The following CLEC1A variants were observed in gnomAD, a reference collection of about 807,000 sequenced individuals.
CLEC1A encodes C-type lectin-like receptor-1.
A neutral mutation model predicts 28.7 loss-of-function variants in CLEC1A; 34 were observed. The ratio of observed to expected loss-of-function variants is 1.18; its 90% CI spans 0.90 to 1.57. The LOEUF is 1.57. CLEC1A is among the 40% of genes most tolerant of loss of function. The probability of loss-of-function intolerance (pLI) is 0.00; values close to 1 mark genes in which losing one functional copy is unlikely to be tolerated. For missense variants in CLEC1A, 385 were observed against 339.5 expected (o/e 1.13, Z -1.05); for synonymous variants, 116 against 121.0 (o/e 0.96, Z 0.27).
chr12:10,095,784 C>T (rs1947768837), intron 1 of CLEC1A, among the ~76,000 whole-genome samples: 1 of 152,134 alleles, frequency 6.6e-6, no homozygotes, highest in African/African-American at 2.4e-5. Context: ...TATTGTCCTT[C>T]CATTACTCTA....
intron 2 of CLEC1A, among the ~76,000 whole-genome samples, chr12:10,087,120 C>T (rs1192557468): frequency 6.9e-6 from 1 of 144,334 alleles, no homozygotes; most frequent in Non-Finnish European, 1.5e-5. Flanking sequence ...CAGGAAAATC[C>T]CTTGAACCCG....
intron 1 of CLEC1A, among the ~76,000 whole-genome samples, chr12:10,098,446 T>C (rs1947806407): frequency 6.6e-6 from 1 of 152,166 alleles, no homozygotes; most frequent in African/African-American, 2.4e-5. Flanking sequence ...ATAAAGAATA[T>C]GATGCTACCA....
intron 1 of CLEC1A, 92 bp downstream of exon 1, chr12:10,098,716 G>A: frequency 2.6e-6 from 2 of 757,720 alleles, no homozygotes; most frequent in Non-Finnish European, 4.2e-6. Flanking sequence ...ATTATAAGAT[G>A]CAAGCTAAAT....
intron 1 of CLEC1A, among the ~76,000 whole-genome samples, chr12:10,091,470 C>T (rs931760625): frequency 6.6e-6 from 1 of 151,894 alleles, no homozygotes; most frequent in African/African-American, 2.4e-5. Context: ...CTAAATACAT[C>T]TCCCAGCCAT....
Position 10,098,879 on chromosome 12 carries a change from T to A in CLEC1A, c.44A>T (p.Asp15Val). 1 of 1,613,432 alleles carries A rather than the reference T, an allele frequency of 6.2e-7. No individual in the cohort carries two copies. The change falls in exon 1 of 6, where the codon GAT (aspartate) becomes GTT (valine). Residue 15 changes from aspartate (D) to valine (V), a missense_variant. Transcript: ENST00000315330. ...YSSTRDMLDDDGDTTMSLHSQ... is the reference protein window; with the variant it reads ...YSSTRDMLDDVGDTTMSLHSQ... ...ATGCAGGCTCATGGTGGTGTCCCCA[T>A]CATCATCCAGCATGTCCCTCGTGCT...
At chr12:10,083,842 G>A (rs1331035969) in intron 2 of CLEC1A, among the ~76,000 whole-genome samples, 2 of 151,914 alleles carry the variant, frequency 1.3e-5, no homozygotes, top group African/African-American at 4.8e-5. Flanking sequence ...ATATCGTAAA[G>A]AAAAAACAAT....
intron 3 of CLEC1A, among the ~76,000 whole-genome samples, chr12:10,080,319 C>G (rs141798204): frequency 8.9e-4 from 135 of 151,926 alleles, no homozygotes; most frequent in Middle Eastern, 6.8e-3. Flanking sequence ...TCTCCCCCCA[C>G]CCCCAAAAAA....
At chr12:10,090,106 A>G (rs1866581736) in intron 1 of CLEC1A, among the ~76,000 whole-genome samples, 1 of 152,166 alleles carries the variant, frequency 6.6e-6, no homozygotes, top group South Asian at 2.1e-4. Flanking sequence ...TAAAAATGAA[A>G]CAAAGAGAGA....
intron 1 of CLEC1A, among the ~76,000 whole-genome samples, chr12:10,092,123 T>C (rs1947714680): frequency 6.6e-6 from 1 of 152,228 alleles, no homozygotes; most frequent in Non-Finnish European, 1.5e-5. Flanking sequence ...TGTGACCTCT[T>C]ATAATTAATA....
At chr12:10,072,801 G>A (rs980559057) in intron 5 of CLEC1A, among the ~76,000 whole-genome samples, 7 of 152,164 alleles carry the variant, frequency 4.6e-5, no homozygotes, top group Middle Eastern at 3.2e-3. Flanking sequence ...GGCACTGGCC[G>A]GGTGCGGTGG....
At position 10,073,371 on chromosome 12, in the gene CLEC1A, G is replaced by C. The variant is rs1866181773; in HGVS notation, c.584C>G (p.Ser195Cys). ...ASQSYSEFFYSYWTGLLRPDS... is the reference protein window; with the variant it reads ...ASQSYSEFFYCYWTGLLRPDS... Reference sequence around the variant, plus strand: ...AGGGCGCAAAAGCCCTGTCCAATAAGAGTAGAAAAACTCAGAGTAGCTCTG... The same window carrying C: ...AGGGCGCAAAAGCCCTGTCCAATAACAGTAGAAAAACTCAGAGTAGCTCTG... The change falls in exon 5 of 6, where the codon TCT becomes TGT. Residue 195 changes from serine to cysteine, a missense_variant. Transcript: ENST00000315330. 6.2e-7 allele frequency: 1 copy of C among 1,614,024 alleles called. No individual in the cohort carries two copies. The highest frequency in any genetic ancestry group is 1.1e-5 in the South Asian group (1 of 91,074).
At chr12:10,093,419 C>T (rs1282053630) in intron 1 of CLEC1A, among the ~76,000 whole-genome samples, 2 of 145,072 alleles carry the variant, frequency 1.4e-5, no homozygotes, top group African/African-American at 5.0e-5. Flanking sequence ...ATTAACCATA[C>T]TATAAAAGGC....
chr12:10,081,406 C>A lies in CLEC1A; in HGVS notation c.222G>T (p.Gln74His), dbSNP rs145645291. ...GLAALGLLFF[Q>H]YYQLSNTGQD... ...GACCAGTATTGGAGAGCTGGTAGTA[C>A]TGAAAAACTAACCCAAATGACCAAG... Residue 74 changes from glutamine to histidine, a missense_variant, in exon 3 of 6, where the codon CAG becomes CAT. Physicochemically the swap from Gln to His is conservative, Grantham distance 24. Coordinates refer to ENST00000315330, the MANE Select transcript of CLEC1A (RefSeq NM_016511.4). The A allele has an allele frequency of 6.3e-7, 1 of 1,591,788 alleles. No homozygotes were observed. Among genetic ancestry groups the A allele is most frequent in the Non-Finnish European group, 8.5e-7 (1 of 1,171,430 alleles).
At chr12:10,085,998 T>C (rs1206467239) in intron 2 of CLEC1A, among the ~76,000 whole-genome samples, 1 of 152,106 alleles carries the variant, frequency 6.6e-6, no homozygotes, top group Non-Finnish European at 1.5e-5. Context: ...TCTCAAAGCA[T>C]AGTGAAATAA....
chr12:10,089,265 C>T, intron 1 of CLEC1A, 43 bp from the exon 2 acceptor site: 1 of 1,508,306 alleles, frequency 6.6e-7, no homozygotes, highest in Non-Finnish European at 9.2e-7. Flanking sequence ...CTTTTTCTTC[C>T]TCTTGCATCT....
intron 3 of CLEC1A, among the ~76,000 whole-genome samples, chr12:10,076,930 A>G (rs1449885566): frequency 6.7e-6 from 1 of 149,266 alleles, no homozygotes; most frequent in African/African-American, 2.5e-5. Flanking sequence ...AAACTATGTA[A>G]CTGCAATTTT....
intron 1 of CLEC1A, among the ~76,000 whole-genome samples, chr12:10,094,293 T>C (rs997175979): frequency 6.6e-6 from 1 of 152,024 alleles, no homozygotes; most frequent in East Asian, 1.9e-4. Flanking sequence ...ATAAGGTAGA[T>C]ATTATTATCT....
chr12:10,078,634 AC>A (rs1258160445), intron 3 of CLEC1A, among the ~76,000 whole-genome samples: 1 of 152,168 alleles, frequency 6.6e-6, no homozygotes, highest in Non-Finnish European at 1.5e-5. Flanking sequence ...TATACCTGGG[AC>A]CTAGAGTTTC....
intron 1 of CLEC1A, among the ~76,000 whole-genome samples, chr12:10,094,685 T>A (rs533900510): frequency 3.3e-5 from 5 of 152,310 alleles, no homozygotes; most frequent in African/African-American, 1.2e-4. Context: ...TATTTATACA[T>A]GGCAGTGCAT....
Sources: allele counts gnomAD v4.1 joint callset (sites outside exome capture counted in the v4.1 genomes callset), GRCh38; gene constraint gnomAD v4.1.1; transcripts MANE v1.5; gene names NCBI Gene and HGNC (gene_info 2026-07-23, HGNC 2026-07-21).